NPAS3: variants seen among roughly 807,000 people sequenced by gnomAD.
NPAS3 encodes neuronal PAS domain protein 3, also known as neuronal PAS domain-containing protein 3.
A neutral mutation model predicts 73.1 loss-of-function variants in NPAS3; 14 were observed. That is an observed-to-expected ratio of 0.19 (90% CI 0.13 to 0.30). The LOEUF is 0.30. Ranked by LOEUF, NPAS3 falls within the 10% of genes least tolerant of loss-of-function variation. The pLI is 1.00. For synonymous variants in NPAS3, 620 were observed against 541.5 expected (o/e 1.14, Z -2.01); for missense variants, 1,096 against 1,250.0 (o/e 0.88, Z 1.86).
intron 3 of NPAS3, among the ~76,000 whole-genome samples, chr14:33,266,289 G>A (rs2040813556): frequency 6.6e-6 from 1 of 152,128 alleles, no homozygotes; most frequent in South Asian, 2.1e-4. Context: ...TCCCACCTAG[G>A]ACCATTTCAA....
At chr14:33,277,580 G>A (rs2041393939) in intron 3 of NPAS3, among the ~76,000 whole-genome samples, 1 of 152,138 alleles carries the variant, frequency 6.6e-6, no homozygotes, top group South Asian at 2.1e-4. Flanking sequence ...TTGATGGGAT[G>A]CCAAATGTTT....
At chr14:33,184,202 G>GT in intron 2 of NPAS3, among the ~76,000 whole-genome samples, 2 of 152,276 alleles carry the variant, frequency 1.3e-5, no homozygotes, top group African/African-American at 4.8e-5. Flanking sequence ...CCTCCTGGGA[G>GT]AACACAGGAT....
chr14:33,009,181 T>C (rs1392482753), intron 1 of NPAS3, among the ~76,000 whole-genome samples: 1 of 152,112 alleles, frequency 6.6e-6, no homozygotes, highest in Admixed American at 6.5e-5. Flanking sequence ...TAAATGCTAA[T>C]AAAAGAAATG....
At chr14:32,964,729 C>A (rs1311989076) in intron 1 of NPAS3, among the ~76,000 whole-genome samples, 3 of 152,042 alleles carry the variant, frequency 2.0e-5, no homozygotes, top group Non-Finnish European at 4.4e-5. Context: ...GTAATCCTAG[C>A]ACTTTGGGAG....
intron 5 of NPAS3, among the ~76,000 whole-genome samples, chr14:33,641,120 A>G (rs1455050474): frequency 1.3e-5 from 2 of 152,192 alleles, no homozygotes; most frequent in African/African-American, 4.8e-5. Context: ...TGACCATCTC[A>G]TAATTGTGAG....
intron 4 of NPAS3, among the ~76,000 whole-genome samples, chr14:33,398,596 A>G (rs1175919811): frequency 6.6e-6 from 1 of 152,076 alleles, no homozygotes; most frequent in Non-Finnish European, 1.5e-5. Context: ...CTTCTTGGTT[A>G]AGGTTGACTT....
intron 4 of NPAS3, among the ~76,000 whole-genome samples, chr14:33,485,006 A>G (rs2139750817): frequency 6.6e-6 from 1 of 152,300 alleles, no homozygotes; most frequent in Middle Eastern, 3.4e-3. Context: ...TGTGGATGGA[A>G]CTTCCTGCTT....
At chr14:33,059,641 G>A (rs547331685) in intron 2 of NPAS3, among the ~76,000 whole-genome samples, 4 of 152,114 alleles carry the variant, frequency 2.6e-5, no homozygotes, top group South Asian at 4.2e-4. Context: ...CTGTGTTTTC[G>A]CAAACACATC....
chr14:33,744,637 A>T (rs987005289), intron 7 of NPAS3, among the ~76,000 whole-genome samples: 1 of 151,990 alleles, frequency 6.6e-6, no homozygotes, highest in African/African-American at 2.4e-5. Flanking sequence ...AATATACAAA[A>T]AAATTAGCCA....
At chr14:33,349,989 C>T (rs910668168) in intron 3 of NPAS3, among the ~76,000 whole-genome samples, 15 of 152,348 alleles carry the variant, frequency 9.8e-5, no homozygotes, top group East Asian at 5.8e-4. Flanking sequence ...CTGGAGAGCA[C>T]GAAGCCAGTG....
intron 5 of NPAS3, among the ~76,000 whole-genome samples, chr14:33,674,071 T>C (rs1384023073): frequency 6.6e-6 from 1 of 152,132 alleles, no homozygotes; most frequent in African/African-American, 2.4e-5. Context: ...CTGTGGCACA[T>C]CAAGACTCAG....
chr14:33,470,027 C>T (rs2050713078), intron 4 of NPAS3, among the ~76,000 whole-genome samples: 1 of 152,140 alleles, frequency 6.6e-6, no homozygotes, highest in African/African-American at 2.4e-5. Flanking sequence ...TTGACCCTGC[C>T]TATCAGCTGA....
At chr14:33,720,981 G>A (rs1242146367) in intron 6 of NPAS3, among the ~76,000 whole-genome samples, 1 of 152,088 alleles carries the variant, frequency 6.6e-6, no homozygotes, top group African/African-American at 2.4e-5. Flanking sequence ...TACATGTTCT[G>A]CATGTATCTA....
intron 5 of NPAS3, among the ~76,000 whole-genome samples, chr14:33,611,926 A>T (rs549129554): frequency 6.6e-6 from 1 of 152,320 alleles, no homozygotes; most frequent in African/African-American, 2.4e-5. Context: ...TCATACTTTT[A>T]AAAAATTAAA....
chr14:33,676,624 C>A (rs562270607), intron 6 of NPAS3, among the ~76,000 whole-genome samples: 50 of 152,152 alleles, frequency 3.3e-4, no homozygotes, highest in Non-Finnish European at 5.6e-4. Flanking sequence ...GGTACTAGTT[C>A]TTTTAGTTTC....
At chr14:33,374,924 T>C (rs1437552809) in intron 4 of NPAS3, among the ~76,000 whole-genome samples, 1 of 152,178 alleles carries the variant, frequency 6.6e-6, no homozygotes, top group African/African-American at 2.4e-5. Flanking sequence ...ATGGTAGTGT[T>C]TTCAAAAGAC....
chr14:33,153,065 CT>C (rs1319305458), intron 2 of NPAS3, among the ~76,000 whole-genome samples: 4 of 151,600 alleles, frequency 2.6e-5, no homozygotes, highest in Non-Finnish European at 5.9e-5. Flanking sequence ...TTTTTAAAAC[CT>C]TTTTTTGTTC....
intron 5 of NPAS3, among the ~76,000 whole-genome samples, chr14:33,609,832 T>G (rs2057695267): frequency 6.6e-6 from 1 of 152,210 alleles, no homozygotes; most frequent in Non-Finnish European, 1.5e-5. Flanking sequence ...TGACTCTGTC[T>G]GACTCCAATC....
At chr14:33,109,373 TTTATG>T (rs2042818312) in intron 2 of NPAS3, among the ~76,000 whole-genome samples, 1 of 152,128 alleles carries the variant, frequency 6.6e-6, no homozygotes, top group South Asian at 2.1e-4. Context: ...TTGGCAAAAA[TTTATG>T]TTATGTGTAT....
Sources: allele counts gnomAD v4.1 joint callset (sites outside exome capture counted in the v4.1 genomes callset), GRCh38; gene constraint gnomAD v4.1.1; transcripts MANE v1.5; gene names NCBI Gene and HGNC (gene_info 2026-07-23, HGNC 2026-07-21).